Variants in NECAB1 observed in about 807,000 individuals in gnomAD.
NECAB1 encodes the protein N-terminal EF-hand calcium-binding protein 1.
NECAB1 carries 29 observed loss-of-function variants against 57.5 expected under a neutral mutation model. The ratio of observed to expected loss-of-function variants is 0.50; its 90% CI spans 0.38 to 0.69. The LOEUF is 0.69. Ranked by LOEUF, NECAB1 falls within the 30% of genes least tolerant of loss-of-function variation. The pLI is 0.00. For missense variants in NECAB1, 372 were observed against 413.8 expected, an observed-to-expected ratio of 0.90 and a Z score of 0.88; for synonymous variants, 142 against 147.7, an observed-to-expected ratio of 0.96 and a Z score of 0.28.
intron 5 of NECAB1, among the ~76,000 whole-genome samples, chr8:90,890,487 C>T (rs940788723): frequency 6.6e-6 from 1 of 152,116 alleles, no homozygotes; most frequent in Non-Finnish European, 1.5e-5. Context: ...TGAGAACAGA[C>T]TAATACAGTA....
intron 5 of NECAB1, among the ~76,000 whole-genome samples, chr8:90,916,468 A>G (rs1809955159): frequency 6.6e-6 from 1 of 152,208 alleles, no homozygotes; most frequent in African/African-American, 2.4e-5. Context: ...CTTCTTCAGC[A>G]TATCAGGATC....
chr8:90,899,660 T>C (rs1314908114), intron 5 of NECAB1, among the ~76,000 whole-genome samples: 1 of 152,202 alleles, frequency 6.6e-6, no homozygotes, highest in Non-Finnish European at 1.5e-5. Flanking sequence ...TTAAAATATG[T>C]TGATGCTCAA....
At chr8:90,901,860 T>G (rs1392206989) in intron 5 of NECAB1, among the ~76,000 whole-genome samples, 1 of 152,164 alleles carries the variant, frequency 6.6e-6, no homozygotes, top group Non-Finnish European at 1.5e-5. Flanking sequence ...CCTATCTATA[T>G]TTAGTGTTTG....
intron 5 of NECAB1, among the ~76,000 whole-genome samples, chr8:90,899,148 C>T (rs113702867): frequency 6.6e-6 from 1 of 152,162 alleles, no homozygotes; most frequent in Non-Finnish European, 1.5e-5. Context: ...TAAGAGGAGT[C>T]CCCCCTGACT....
intron 5 of NECAB1, among the ~76,000 whole-genome samples, chr8:90,884,291 C>T (rs962263591): frequency 1.1e-4 from 17 of 152,166 alleles, no homozygotes; most frequent in Admixed American, 9.8e-4. Context: ...ATTTTAGCAT[C>T]TACAGATCCC....
intron 1 of NECAB1, among the ~76,000 whole-genome samples, chr8:90,792,515 A>G (rs1811593288): frequency 6.6e-6 from 1 of 152,074 alleles, no homozygotes. Context: ...TCATTTTCAT[A>G]ATGATTCTTT....
intron 3 of NECAB1, among the ~76,000 whole-genome samples, chr8:90,853,212 G>A (rs1244103538): frequency 2.0e-5 from 3 of 152,228 alleles, no homozygotes; most frequent in Non-Finnish European, 4.4e-5. Flanking sequence ...GTGAGTGGAG[G>A]TAACTCCTGC....
At chr8:90,835,963 G>A (rs1812365099) in intron 3 of NECAB1, among the ~76,000 whole-genome samples, 1 of 152,214 alleles carries the variant, frequency 6.6e-6, no homozygotes, top group Non-Finnish European at 1.5e-5. Flanking sequence ...CACAGAAGGA[G>A]AACTGATTCC....
chr8:90,820,405 A>G (rs1812125838), intron 2 of NECAB1, among the ~76,000 whole-genome samples: 1 of 151,958 alleles, frequency 6.6e-6, no homozygotes, highest in African/African-American at 2.4e-5. Context: ...ATTCAGTAAT[A>G]ATTTCTATGA....
At chr8:90,811,802 A>C in intron 2 of NECAB1, among the ~76,000 whole-genome samples, 1 of 152,258 alleles carries the variant, frequency 6.6e-6, no homozygotes, top group East Asian at 1.9e-4. Context: ...TCAACAGGTC[A>C]GAATAAAGAG....
At chr8:90,834,246 C>G (rs951069630) in intron 3 of NECAB1, among the ~76,000 whole-genome samples, 1 of 147,080 alleles carries the variant, frequency 6.8e-6, no homozygotes, top group African/African-American at 2.5e-5. Context: ...TCACTGCTTA[C>G]TTTTGAAGTG....
intron 6 of NECAB1, among the ~76,000 whole-genome samples, chr8:90,924,436 G>A (rs1027876934): frequency 6.6e-6 from 1 of 152,094 alleles, no homozygotes; most frequent in African/African-American, 2.4e-5. Context: ...ATCTTCCCTA[G>A]CTGATAGATA....
Position 90,850,293 on chromosome 8 carries a change from A to C in NECAB1, c.234-21835A>C, listed in dbSNP as rs142956431. Among the ~76,000 whole-genome samples, 256 of 152,366 alleles carry C rather than the reference A, an allele frequency of 1.7e-3. 1 individual carries two copies. The highest frequency in any genetic ancestry group is 6.0e-3 in the African/African-American group (249 of 41,590). On this transcript the variant is annotated intron_variant, in intron 3 of 12. Coordinates refer to ENST00000417640, the MANE Select transcript of NECAB1 (RefSeq NM_022351.5). Reference sequence around the variant, plus strand: ...ATGAAGTTGCTGTGGAAGAAGAAAAATTATCTTCTTTGATAGTAATGCCCC... The same window carrying C: ...ATGAAGTTGCTGTGGAAGAAGAAAACTTATCTTCTTTGATAGTAATGCCCC...
intron 4 of NECAB1, among the ~76,000 whole-genome samples, chr8:90,878,019 G>A (rs888396564): frequency 6.6e-6 from 1 of 151,680 alleles, no homozygotes; most frequent in African/African-American, 2.4e-5. Flanking sequence ...ACTCACCCAG[G>A]CAGACTTGGG....
chr8:90,855,658 C>A (rs912792112), intron 3 of NECAB1, among the ~76,000 whole-genome samples: 2 of 152,176 alleles, frequency 1.3e-5, no homozygotes, highest in African/African-American at 4.8e-5. Context: ...AGGTCTTTGG[C>A]TGGACTTTGA....
At position 90,955,592 on chromosome 8, in the gene NECAB1, C is replaced by A; in HGVS notation, c.*80C>A. The A allele has an allele frequency of 2.8e-6, 3 of 1,085,050 alleles. No homozygotes were observed. Among genetic ancestry groups the A allele is most frequent in the South Asian group, 1.6e-5 (1 of 62,116 alleles). The allele number at this position is 1,085,050 out of a possible 1,614,324, so 67.2% of individuals were successfully genotyped here. ...AAAACGTCAATTAGAAAATTATCTG[C>A]GGTTGTTAATCTACTGTATATTTTT... On this transcript the variant is annotated 3_prime_UTR_variant, in exon 13 of 13. Coordinates refer to ENST00000417640, the MANE Select transcript of NECAB1 (RefSeq NM_022351.5).
Position 90,936,680 on chromosome 8 carries a change from G to T in NECAB1, c.747+2323G>T, listed in dbSNP as rs56677119. Reference sequence around the variant, plus strand: ...CCCTACCATAAGAGCAGAGCAGATTGTCTGGCAGGCTTGTTTAAGCACACA... The same window carrying T: ...CCCTACCATAAGAGCAGAGCAGATTTTCTGGCAGGCTTGTTTAAGCACACA... On this transcript the variant is annotated intron_variant, in intron 9 of 12. Coordinates refer to ENST00000417640, the MANE Select transcript of NECAB1 (RefSeq NM_022351.5). Among the ~76,000 whole-genome samples, 267 of 152,282 alleles carry T rather than the reference G, an allele frequency of 1.8e-3. 1 individual carries two copies. The highest frequency in any genetic ancestry group is 6.0e-3 in the African/African-American group (248 of 41,566).
intron 10 of NECAB1, among the ~76,000 whole-genome samples, chr8:90,948,467 C>T (rs1031170897): frequency 6.6e-6 from 1 of 152,148 alleles, no homozygotes; most frequent in Non-Finnish European, 1.5e-5. Flanking sequence ...CTGCCACCTG[C>T]TGGTCACACT....
chr8:90,925,405 G>A, intron 6 of NECAB1, 130 bp from the exon 7 acceptor site: 1 of 934,680 alleles, frequency 1.1e-6, no homozygotes, highest in Non-Finnish European at 1.6e-6. Flanking sequence ...GCATTTACAA[G>A]CAGTCATTCT....
Sources: gnomAD v4.1 joint callset for allele counts (sites outside exome capture counted in the v4.1 genomes callset) on GRCh38, gnomAD v4.1.1 for gene constraint, MANE v1.5 for transcripts, NCBI Gene and HGNC (gene_info 2026-07-23, HGNC 2026-07-21) for gene names.